MACROD2: variants seen among roughly 807,000 people sequenced by gnomAD.
MACROD2 encodes mono-ADP ribosylhydrolase 2.
Under a neutral mutation model 70.4 loss-of-function variants are expected in MACROD2, and 36 were observed. The observed-to-expected ratio is 0.51, with a 90% CI of 0.39 to 0.68. The LOEUF is 0.68. MACROD2 is among the 30% of genes least tolerant of loss of function. The pLI is 0.00. For missense variants in MACROD2, 496 were observed against 538.4 expected, an observed-to-expected ratio of 0.92 and a Z score of 0.78; for synonymous variants, 172 against 178.8, an observed-to-expected ratio of 0.96 and a Z score of 0.30.
intron 11 of MACROD2, among the ~76,000 whole-genome samples, chr20:15,936,420 C>CTA (rs997739120): frequency 2.0e-5 from 3 of 147,256 alleles, no homozygotes; most frequent in Admixed American, 6.8e-5. Flanking sequence ...ATATGAAAAA[C>CTA]TATATATATA....
chr20:15,939,508 C>T (rs566776103), intron 12 of MACROD2, among the ~76,000 whole-genome samples: 1 of 152,054 alleles, frequency 6.6e-6, no homozygotes, highest in African/African-American at 2.4e-5. Flanking sequence ...ACTGTTGAGA[C>T]CTACTGCTCA....
intron 8 of MACROD2, among the ~76,000 whole-genome samples, chr20:15,586,519 T>C (rs1179487294): frequency 6.6e-6 from 1 of 152,244 alleles, no homozygotes; most frequent in Non-Finnish European, 1.5e-5. Context: ...AGATGGATTC[T>C]TTCTTAACAT....
chr20:15,413,681 G>A (rs1163309630), intron 6 of MACROD2, among the ~76,000 whole-genome samples: 1 of 152,200 alleles, frequency 6.6e-6, no homozygotes, highest in Non-Finnish European at 1.5e-5. Context: ...GAAGGCAGGA[G>A]ACAAAATTCA....
intron 2 of MACROD2, among the ~76,000 whole-genome samples, chr20:14,081,269 A>G (rs1455227645): frequency 1.3e-5 from 2 of 151,464 alleles, no homozygotes; most frequent in African/African-American, 4.9e-5. Flanking sequence ...TTTCCCATCC[A>G]CTCACCTCCA....
intron 6 of MACROD2, among the ~76,000 whole-genome samples, chr20:15,301,285 T>C (rs2077639908): frequency 6.6e-6 from 1 of 152,136 alleles, no homozygotes; most frequent in Middle Eastern, 3.2e-3. Flanking sequence ...AGAGAGCAGT[T>C]ACCTGGCAGG....
At chr20:15,729,703 A>T (rs1296739086) in intron 8 of MACROD2, among the ~76,000 whole-genome samples, 1 of 152,090 alleles carries the variant, frequency 6.6e-6, no homozygotes, top group Non-Finnish European at 1.5e-5. Context: ...TAAAATTCAA[A>T]TAACAACCCC....
intron 2 of MACROD2, among the ~76,000 whole-genome samples, chr20:14,071,284 G>A (rs1439223601): frequency 1.6e-5 from 1 of 62,482 alleles, no homozygotes; most frequent in Non-Finnish European, 3.2e-5. Flanking sequence ...TTTTTGAGAT[G>A]GAGTCTTGCT....
At chr20:15,634,186 T>C (rs536769377) in intron 8 of MACROD2, among the ~76,000 whole-genome samples, 17 of 152,346 alleles carry the variant, frequency 1.1e-4, no homozygotes, top group Admixed American at 2.0e-4. Flanking sequence ...GAGAATAAAA[T>C]AGCAGTTTGA....
chr20:14,153,058 A>G (rs1407568210), intron 3 of MACROD2, among the ~76,000 whole-genome samples: 2 of 152,188 alleles, frequency 1.3e-5, no homozygotes, highest in Non-Finnish European at 2.9e-5. Context: ...TCAATAATCA[A>G]CTCTTCATTT....
chr20:14,290,578 C>T (rs2082378103), intron 3 of MACROD2, among the ~76,000 whole-genome samples: 1 of 147,648 alleles, frequency 6.8e-6, no homozygotes, highest in Non-Finnish European at 1.5e-5. Flanking sequence ...GGCACAATTT[C>T]GGCTCACCAC....
intron 3 of MACROD2, among the ~76,000 whole-genome samples, chr20:14,160,021 T>A (rs1480890542): frequency 6.6e-6 from 1 of 152,164 alleles, no homozygotes; most frequent in Non-Finnish European, 1.5e-5. Context: ...TGATGTGTCA[T>A]GTTTATTGAT....
At chr20:14,908,484 G>C (rs549829948) in intron 5 of MACROD2, among the ~76,000 whole-genome samples, 32 of 152,222 alleles carry the variant, frequency 2.1e-4, no homozygotes, top group Admixed American at 1.5e-3. Flanking sequence ...ACAATTCCCT[G>C]TCTCTATTAA....
At chr20:14,668,609 GA>G (rs377313986) in intron 4 of MACROD2, among the ~76,000 whole-genome samples, 28 of 152,092 alleles carry the variant, frequency 1.8e-4, no homozygotes, top group African/African-American at 6.5e-4. Context: ...TTTTCTTAAG[GA>G]AAATCATATC....
chr20:15,313,680 T>C (rs1427877606), intron 6 of MACROD2, among the ~76,000 whole-genome samples: 1 of 152,090 alleles, frequency 6.6e-6, no homozygotes, highest in African/African-American at 2.4e-5. Context: ...AGGTGTGTGT[T>C]GTTGCTCACT....
intron 5 of MACROD2, among the ~76,000 whole-genome samples, chr20:14,743,620 T>A (rs2071761873): frequency 6.6e-6 from 1 of 152,200 alleles, no homozygotes; most frequent in Admixed American, 6.5e-5. Flanking sequence ...AACACCAAAA[T>A]AATAAATTTG....
rs6135625 is a variant in MACROD2 at position 15,978,793 on chromosome 20, A to G, written c.986-7934A>G. On this transcript the variant is annotated intron_variant, in intron 13 of 17. Coordinates refer to ENST00000684519, the MANE Select transcript of MACROD2 (RefSeq NM_001351661.2). ...AAATGAAAGATCCAAGAGACAGATG[A>G]TATATCCCTAAATGAGGAAAGAAGG... Among the ~76,000 whole-genome samples, 434 of 152,316 alleles carry G rather than the reference A, an allele frequency of 2.8e-3. 12 individuals carry two copies. The East Asian group carries it at 0.067, about 23-fold the overall frequency.
chr20:14,620,897 A>T (rs937192341), intron 4 of MACROD2, among the ~76,000 whole-genome samples: 15 of 152,206 alleles, frequency 9.9e-5, no homozygotes, highest in Middle Eastern at 3.4e-3. Flanking sequence ...GCTTTGTTTT[A>T]TAGAAATCAA....
intron 5 of MACROD2, among the ~76,000 whole-genome samples, chr20:14,812,110 A>G (rs968626051): frequency 3.9e-5 from 6 of 152,218 alleles, no homozygotes; most frequent in Non-Finnish European, 4.4e-5. Flanking sequence ...TCATTCTACT[A>G]TAAAGACACA....
intron 5 of MACROD2, among the ~76,000 whole-genome samples, chr20:14,987,675 A>T (rs1600912970): frequency 2.0e-5 from 3 of 152,174 alleles, no homozygotes; most frequent in African/African-American, 7.2e-5. Flanking sequence ...AAATTACTTT[A>T]CTCTGTAGAC....
Sources: gnomAD v4.1 joint callset for allele counts (sites outside exome capture counted in the v4.1 genomes callset) on GRCh38, gnomAD v4.1.1 for gene constraint, MANE v1.5 for transcripts, NCBI Gene and HGNC (gene_info 2026-07-23, HGNC 2026-07-21) for gene names.